Variants in RGPD2 observed in about 807,000 individuals in gnomAD.
RGPD2 encodes the protein RANBP2 like and GRIP domain containing 2.
RGPD2 carries 2 observed loss-of-function variants against 36.0 expected under a neutral mutation model. The ratio of observed to expected loss-of-function variants is 0.06; its 90% confidence interval spans 0.02 to 0.17. The LOEUF (loss-of-function observed/expected upper bound fraction) is 0.17. Ranked by LOEUF, RGPD2 falls within the 10% of genes least tolerant of loss-of-function variation. The pLI is 1.00. For synonymous variants in RGPD2, 19 were observed against 163.8 expected (o/e 0.12, Z 6.75); for missense variants, 40 against 464.3 (o/e 0.09, Z 8.40).
the RGPD2 span, among the ~76,000 whole-genome samples, chr2:87,920,319 G>A: frequency 6.6e-6 from 1 of 151,570 alleles, no homozygotes; most frequent in Non-Finnish European, 1.5e-5. Flanking sequence ...CTTGATAAAT[G>A]TCCTTTACTT....
the RGPD2 span, among the ~76,000 whole-genome samples, chr2:87,898,031 AT>A: frequency 7.7e-6 from 1 of 129,944 alleles, no homozygotes; most frequent in Non-Finnish European, 1.6e-5. Flanking sequence ...CAATTATTGT[AT>A]GTAATTATCT....
chr2:87,834,894 G>A, the RGPD2 span, among the ~76,000 whole-genome samples: 5 of 149,884 alleles, frequency 3.3e-5, no homozygotes, highest in African/African-American at 4.9e-5. Flanking sequence ...GAAGCCCAAC[G>A]TTGTAATACT....
At chr2:87,988,094 C>T in the RGPD2 span, among the ~76,000 whole-genome samples, 2 of 151,908 alleles carry the variant, frequency 1.3e-5, no homozygotes, top group African/African-American at 2.4e-5. Flanking sequence ...CTGCCAATGT[C>T]CTGCTTTGGC....
chr2:87,930,714 G>A, the RGPD2 span, among the ~76,000 whole-genome samples: 37 of 150,796 alleles, frequency 2.5e-4, no homozygotes, highest in Non-Finnish European at 4.4e-4. Flanking sequence ...TGGGTTGGTA[G>A]ACTACTTATT....
At chr2:87,830,396 C>G (rs1234110796), upstream of RGPD2, among the ~76,000 whole-genome samples, 1 of 152,160 alleles carries the variant, frequency 6.6e-6, no homozygotes, top group Non-Finnish European at 1.5e-5. Context: ...TTTTATTGTT[C>G]ATTTCACTAT....
At chr2:87,853,502 G>A in the RGPD2 span, among the ~76,000 whole-genome samples, 1 of 151,476 alleles carries the variant, frequency 6.6e-6, no homozygotes, top group African/African-American at 2.4e-5. Context: ...GGGATTACAT[G>A]TTGAACCACC....
the RGPD2 span, among the ~76,000 whole-genome samples, chr2:87,879,134 C>T: frequency 1.2e-3 from 186 of 151,396 alleles, no homozygotes; most frequent in Non-Finnish European, 1.7e-3. Flanking sequence ...ATTCTATTTT[C>T]GTTCTTTTTA....
the RGPD2 span, among the ~76,000 whole-genome samples, chr2:87,910,472 G>A: frequency 4.6e-5 from 7 of 152,392 alleles, no homozygotes; most frequent in East Asian, 5.8e-4. Flanking sequence ...AGAAATAGAC[G>A]GGATTCATCT....
chr2:87,974,041 T>A, the RGPD2 span, among the ~76,000 whole-genome samples: 1 of 152,004 alleles, frequency 6.6e-6, no homozygotes, highest in South Asian at 2.1e-4. Flanking sequence ...TCCGGGGGCA[T>A]CAATGCACAA....
the RGPD2 span, chr2:87,985,833 T>A: frequency 6.2e-7 from 1 of 1,611,184 alleles, no homozygotes; most frequent in South Asian, 1.1e-5. Context: ...TGGAGCACTG[T>A]GGACATTGTA....
chr2:87,883,097 C>T, the RGPD2 span, among the ~76,000 whole-genome samples: 2 of 152,062 alleles, frequency 1.3e-5, no homozygotes, highest in Admixed American at 6.5e-5. Flanking sequence ...AAAAACAAAA[C>T]TATTAAAAAC....
the RGPD2 span, among the ~76,000 whole-genome samples, chr2:87,879,443 C>T: frequency 6.9e-6 from 1 of 145,196 alleles, no homozygotes; most frequent in Admixed American, 6.9e-5. Flanking sequence ...ACCATCCTCA[C>T]ATCCCCCCAC....
the RGPD2 span, among the ~76,000 whole-genome samples, chr2:87,920,153 C>T: frequency 2.6e-5 from 4 of 151,772 alleles, no homozygotes; most frequent in Non-Finnish European, 5.9e-5. Context: ...ATAAAATGTG[C>T]TAAATCTGAT....
the RGPD2 span, among the ~76,000 whole-genome samples, chr2:87,961,749 T>A: frequency 9.2e-5 from 13 of 140,864 alleles, no homozygotes; most frequent in African/African-American, 5.3e-5. Context: ...GTCCTGCGGG[T>A]GGAACACTTA....
the RGPD2 span, among the ~76,000 whole-genome samples, chr2:87,855,014 G>A: frequency 1.4e-4 from 21 of 151,920 alleles, no homozygotes; most frequent in East Asian, 7.7e-4. Flanking sequence ...GTGTGTGTGC[G>A]TGTGTGTGTG....
the RGPD2 span, among the ~76,000 whole-genome samples, chr2:87,853,381 C>G: frequency 6.6e-6 from 1 of 152,144 alleles, no homozygotes; most frequent in African/African-American, 2.4e-5. Flanking sequence ...TGCCACCACC[C>G]CTGGCAATTT....
chr2:87,941,138 C>A, the RGPD2 span, among the ~76,000 whole-genome samples: 1 of 150,922 alleles, frequency 6.6e-6, no homozygotes, highest in Non-Finnish European at 1.5e-5. Flanking sequence ...ATAAATGATA[C>A]CGGAAAATTG....
the RGPD2 span, among the ~76,000 whole-genome samples, chr2:87,941,016 G>T: frequency 3.3e-5 from 5 of 151,996 alleles, no homozygotes; most frequent in Non-Finnish European, 7.4e-5. Context: ...GAGTGGTCTT[G>T]TTGAAATGAT....
the RGPD2 span, among the ~76,000 whole-genome samples, chr2:87,915,118 G>T: frequency 2.0e-5 from 3 of 151,818 alleles, no homozygotes; most frequent in South Asian, 2.1e-4. Flanking sequence ...TTGCACTCCA[G>T]CCTGGGCAAC....
Sources: allele counts gnomAD v4.1 joint callset (sites outside exome capture counted in the v4.1 genomes callset), GRCh38; gene constraint gnomAD v4.1.1; transcripts MANE v1.5; gene names NCBI Gene and HGNC (gene_info 2026-07-23, HGNC 2026-07-21).